ITGA8: variants seen among roughly 807,000 people sequenced by gnomAD.
The protein encoded by ITGA8 is integrin alpha-8.
Under a neutral mutation model 142.3 loss-of-function variants are expected in ITGA8, and 91 were observed. The observed-to-expected ratio is 0.64, with a 90% confidence interval of 0.54 to 0.76. The LOEUF is 0.76. ITGA8 is among the 30% of genes least tolerant of loss of function. The pLI is 0.00. For missense variants in ITGA8, 1,406 were observed against 1,327.7 expected (o/e 1.06, Z -0.92); for synonymous variants, 505 against 485.2 (o/e 1.04, Z -0.54).
intron 26 of ITGA8, among the ~76,000 whole-genome samples, chr10:15,550,591 G>A (rs1400360253): frequency 6.6e-6 from 1 of 152,174 alleles, no homozygotes; most frequent in African/African-American, 2.4e-5. Flanking sequence ...TAGCAGAATG[G>A]GAGACCTGGC....
In ITGA8 at chr10:15,672,808, A is replaced by G. The variant is rs1834551626; in HGVS notation, c.677-59T>C. ...GAAAGCAAGAGGCAGGCCCTCCATG[A>G]GCAGACCCACATTCCCTTGAAAGCT... is the stretch of plus-strand genomic sequence containing the variant. On this transcript the variant is annotated intron_variant, in intron 6 of 29. Coordinates refer to ENST00000378076, the MANE Select transcript of ITGA8 (RefSeq NM_003638.3). 4 of 1,480,100 alleles carry G rather than the reference A, an allele frequency of 2.7e-6. No individual in the cohort carries two copies. The South Asian group carries it at 5.6e-5, about 21-fold the overall frequency. 91.7% of individuals were successfully genotyped at this position (1,480,100 alleles called of 1,614,324 possible). A position where few individuals can be genotyped will look rare whatever the true frequency, so the allele number is the denominator to read the frequency against.
intron 4 of ITGA8, among the ~76,000 whole-genome samples, chr10:15,679,549 TC>T (rs1396532106): frequency 6.6e-6 from 1 of 152,258 alleles, no homozygotes; most frequent in South Asian, 2.1e-4. Flanking sequence ...GCCACTGCAC[TC>T]CAGCCTGGGT....
chr10:15,577,697 ATGG>A (rs1391219424), intron 23 of ITGA8, among the ~76,000 whole-genome samples: 3 of 152,152 alleles, frequency 2.0e-5, no homozygotes, highest in Non-Finnish European at 4.4e-5. Context: ...AACAGTGTTC[ATGG>A]TTTTCAAAGT....
intron 20 of ITGA8, among the ~76,000 whole-genome samples, chr10:15,601,599 A>AATG (rs946916424): frequency 1.3e-4 from 20 of 152,206 alleles, no homozygotes; most frequent in Admixed American, 6.5e-4. Flanking sequence ...CTACTATCAT[A>AATG]ATGATGATGA....
rs1833015151 is a variant in ITGA8 at position 15,519,358 on chromosome 10, A to G, written c.3037T>C (p.Trp1013Arg). The G allele has an allele frequency of 1.2e-6, 2 of 1,613,520 alleles. No homozygotes were observed. Among genetic ancestry groups the G allele is most frequent in the South Asian group, 1.1e-5 (1 of 91,076 alleles). ...TPNVSFSIPL[W>R]VIILAILLGL... ...AGAAGTATTGCTAGTATTATTACCC[A>G]TAATGGGATTGAGAAGGAAACATTC... Residue 1013 changes from tryptophan to arginine, a missense_variant, in exon 29 of 30, where the codon TGG becomes CGG. By Grantham distance (101) the Trp-to-Arg change is moderately radical. Transcript: ENST00000378076.
intron 23 of ITGA8, among the ~76,000 whole-genome samples, chr10:15,575,808 G>C (rs1417341423): frequency 1.3e-5 from 2 of 152,212 alleles, no homozygotes; most frequent in African/African-American, 4.8e-5. Flanking sequence ...CTCCAGCCCA[G>C]AGGGCAACTA....
At chr10:15,708,351 C>T (rs1395092655) in intron 2 of ITGA8, among the ~76,000 whole-genome samples, 1 of 152,006 alleles carries the variant, frequency 6.6e-6, no homozygotes, top group Non-Finnish European at 1.5e-5. Context: ...AATGGATAAT[C>T]TATCACAGGA....
At chr10:15,654,263 G>A (rs1052981203) in intron 11 of ITGA8, among the ~76,000 whole-genome samples, 5 of 151,988 alleles carry the variant, frequency 3.3e-5, no homozygotes, top group Non-Finnish European at 5.9e-5. Context: ...TTTTGTTTTC[G>A]TTGTCTCCAC....
chr10:15,612,616 CAA>C (rs1381632564), intron 15 of ITGA8, among the ~76,000 whole-genome samples: 1 of 152,190 alleles, frequency 6.6e-6, no homozygotes, highest in East Asian at 1.9e-4. Flanking sequence ...AGATGGCTGA[CAA>C]AATTCAGAAG....
intron 9 of ITGA8, among the ~76,000 whole-genome samples, chr10:15,659,418 G>C (rs933149243): frequency 6.6e-6 from 1 of 152,172 alleles, no homozygotes; most frequent in Admixed American, 6.5e-5. Flanking sequence ...GATCATTATG[G>C]TTCTTTGCAA....
At chr10:15,558,925 T>C (rs1833928969) in intron 25 of ITGA8, among the ~76,000 whole-genome samples, 1 of 152,192 alleles carries the variant, frequency 6.6e-6, no homozygotes, top group Admixed American at 6.5e-5. Context: ...TAACATTCTT[T>C]ATTTTAGACC....
chr10:15,671,778 A>G (rs1311539741), intron 7 of ITGA8, 131 bp from the exon 8 acceptor site: 2 of 668,274 alleles, frequency 3.0e-6, no homozygotes, highest in Admixed American at 2.8e-5. Flanking sequence ...TATAAAAGTT[A>G]AAGATTCTAT....
At chr10:15,645,737 C>G (rs1426485872) in intron 12 of ITGA8, among the ~76,000 whole-genome samples, 2 of 152,174 alleles carry the variant, frequency 1.3e-5, no homozygotes, top group Admixed American at 1.3e-4. Flanking sequence ...AAGAAATTCA[C>G]TATGCTCGGT....
chr10:15,644,877 A>C (rs1435669608), intron 12 of ITGA8, among the ~76,000 whole-genome samples: 1 of 151,662 alleles, frequency 6.6e-6, no homozygotes, highest in Non-Finnish European at 1.5e-5. Context: ...GCGGATCATG[A>C]GGTCAGGAGA....
intron 27 of ITGA8, among the ~76,000 whole-genome samples, chr10:15,541,862 G>A (rs577699936): frequency 6.6e-6 from 1 of 150,942 alleles, no homozygotes; most frequent in Non-Finnish European, 1.5e-5. Flanking sequence ...TAGCAAATAT[G>A]AATCCAAAAG....
Position 15,719,616 on chromosome 10 carries a change from G to C in ITGA8, c.156C>G (p.Pro52=). The C allele has an allele frequency of 6.4e-7, 1 of 1,561,894 alleles. No homozygotes were observed. Among genetic ancestry groups the C allele is most frequent in the Non-Finnish European group, 8.6e-7 (1 of 1,161,618 alleles). The stretch of plus-strand genomic sequence containing the variant: ...CGGCGTAGCCGAAGTAGCTGCCCTT[G>C]GGGCCGCTGTACACTGTGAGCTTTT... The part of the protein sequence containing the change: ...DVEKLTVYSG[P]KGSYFGYAVD... Residue 52 remains proline, a synonymous_variant, in exon 1 of 30, where the codon CCC becomes CCG. Coordinates refer to ENST00000378076, the MANE Select transcript of ITGA8 (RefSeq NM_003638.3).
At chr10:15,605,914 AC>A (rs1833187254) in intron 18 of ITGA8, 123 bp from the exon 19 acceptor site, 1 of 800,842 alleles carries the variant, frequency 1.2e-6, no homozygotes, top group Non-Finnish European at 2.1e-6. Flanking sequence ...GCATGACTCT[AC>A]CCAAGCCAAT....
At chr10:15,629,070 C>T (rs1400399508) in intron 13 of ITGA8, among the ~76,000 whole-genome samples, 3 of 151,762 alleles carry the variant, frequency 2.0e-5, no homozygotes, top group African/African-American at 7.3e-5. Flanking sequence ...GCGCTTTTTC[C>T]ATCACACTGC....
intron 11 of ITGA8, among the ~76,000 whole-genome samples, chr10:15,647,924 A>G (rs1424245635): frequency 2.0e-5 from 3 of 152,212 alleles, no homozygotes; most frequent in Non-Finnish European, 4.4e-5. Flanking sequence ...AATTCTTTGG[A>G]TACATAGATT....
Sources: allele counts gnomAD v4.1 joint callset (sites outside exome capture counted in the v4.1 genomes callset), GRCh38; gene constraint gnomAD v4.1.1; transcripts MANE v1.5; gene names NCBI Gene and HGNC (gene_info 2026-07-23, HGNC 2026-07-21).